Variants in EBPL observed in about 807,000 individuals in gnomAD.
The protein encoded by EBPL is emopamil-binding protein-like.
Under a neutral mutation model 19.0 loss-of-function variants are expected in EBPL, and 20 were observed. The ratio of observed to expected loss-of-function variants is 1.05; its 90% CI spans 0.74 to 1.53. The LOEUF (loss-of-function observed/expected upper bound fraction) is 1.53. Among genes scored for constraint, EBPL ranks in the 40% most tolerant of loss-of-function variants. The pLI, the probability that EBPL is intolerant of heterozygous loss-of-function variation, is 0.00. For missense variants in EBPL, 219 were observed against 261.1 expected, an observed-to-expected ratio of 0.84 and a Z score of 1.11; for synonymous variants, 107 against 117.0, an observed-to-expected ratio of 0.91 and a Z score of 0.55.
In EBPL at chr13:49,691,371, G is replaced by A. The variant is rs752807591; in HGVS notation, c.54C>T (p.Cys18=). The change falls in exon 1 of 4, where the codon TGC becomes TGT. Residue 18 remains cysteine, a synonymous_variant. Coordinates refer to ENST00000242827, the MANE Select transcript of EBPL (RefSeq NM_032565.5). Reference sequence around the variant, plus strand: ...CGCAGCCCGCCGCCAGCAGCGCGGCGCACAGCAGCAGCGAACCGCCAGCCT... The same window carrying A: ...CGCAGCCCGCCGCCAGCAGCGCGGCACACAGCAGCAGCGAACCGCCAGCCT... ...GAEAGGSLLL[C]AALLAAGCAL... is the part of the protein sequence containing the mutation. 4.4e-6 allele frequency: 6 copies of A among 1,368,014 alleles called. No individual in the cohort carries two copies. The highest frequency in any genetic ancestry group is 2.4e-4 in the Middle Eastern group (1 of 4,194). 84.7% of individuals were successfully genotyped at this position (1,368,014 alleles called of 1,614,324 possible).
At position 49,691,262 on chromosome 13, in the gene EBPL, A is replaced by G; in HGVS notation, c.163T>C (p.Phe55Leu). Residue 55 changes from phenylalanine to leucine, a missense_variant, in exon 1 of 4, where the codon TTC (phenylalanine) becomes CTC (leucine). Transcript: ENST00000242827. ...IWLCYDALVH[F>L]ALEGPFVYLS... ...TAGGCGATGGCACTTACCAGCGCGA[A>G]GTGCACCAGCGCGTCGTAGCAGAGC... The G allele has an allele frequency of 2.2e-6, 3 of 1,391,524 alleles. No homozygotes were observed. Among genetic ancestry groups the G allele is most frequent in the South Asian group, 1.9e-5 (1 of 52,850 alleles). 86.2% of individuals were successfully genotyped at this position (1,391,524 alleles called of 1,614,324 possible). A position where few individuals can be genotyped will look rare whatever the true frequency, so the allele number is the denominator to read the frequency against.
intron 1 of EBPL, among the ~76,000 whole-genome samples, chr13:49,680,628 C>T (rs1953931950): frequency 6.6e-6 from 1 of 152,152 alleles, no homozygotes; most frequent in Admixed American, 6.5e-5. Flanking sequence ...TCGAGACCAT[C>T]CTGGCCATCA....
At chr13:49,679,996 G>A (rs1041019216) in intron 1 of EBPL, among the ~76,000 whole-genome samples, 1 of 152,142 alleles carries the variant, frequency 6.6e-6, no homozygotes, top group South Asian at 2.1e-4. Flanking sequence ...TTCCAGCCTT[G>A]AGCACAGCAC....
Position 49,663,209 on chromosome 13 carries a change from C to G in EBPL, c.242-14G>C. On this transcript the variant is annotated splice_polypyrimidine_tract_variant and intron_variant, in intron 2 of 3. Coordinates refer to ENST00000242827, the MANE Select transcript of EBPL (RefSeq NM_032565.5). ...CATATTCTTTCCCTAAAGACAAAAT[C>G]CATGTTGTTACTCAAATGGCAACAA... 2 of 1,611,890 alleles carry G rather than the reference C, an allele frequency of 1.2e-6. No homozygotes were observed. Among genetic ancestry groups the G allele is most frequent in the South Asian group, 1.1e-5 (1 of 91,042 alleles).
At chr13:49,674,960 A>C (rs1052519913) in intron 1 of EBPL, among the ~76,000 whole-genome samples, 1 of 152,210 alleles carries the variant, frequency 6.6e-6, no homozygotes, top group Non-Finnish European at 1.5e-5. Flanking sequence ...GTGCCCACTA[A>C]ACACTGATTC....
At chr13:49,686,370 C>T (rs1222750864) in intron 1 of EBPL, 4 of 1,156,960 alleles carry the variant, frequency 3.5e-6, no homozygotes, top group Non-Finnish European at 4.4e-6. Flanking sequence ...CTTTCATCTA[C>T]TGCCCAGCTT....
chr13:49,666,698 T>G (rs1594405389), intron 2 of EBPL, among the ~76,000 whole-genome samples: 5 of 88,814 alleles, frequency 5.6e-5, no homozygotes, highest in Admixed American at 3.2e-4. Context: ...GGCGAAAGAG[T>G]GAGACTCCGT....
At chr13:49,662,016 CA>C in intron 3 of EBPL, 1 of 1,228,310 alleles carries the variant, frequency 8.1e-7, no homozygotes, top group Non-Finnish European at 1.2e-6. Flanking sequence ...TTTTTTGAGA[CA>C]GAGTCTCGCT....
At chr13:49,687,784 G>A (rs1248576946) in intron 1 of EBPL, among the ~76,000 whole-genome samples, 2 of 152,158 alleles carry the variant, frequency 1.3e-5, no homozygotes, top group African/African-American at 2.4e-5. Context: ...GTGGGGTTTG[G>A]GCCTTGGGGA....
At chr13:49,678,579 C>T (rs1323128778) in intron 1 of EBPL, among the ~76,000 whole-genome samples, 2 of 152,178 alleles carry the variant, frequency 1.3e-5, no homozygotes, top group Non-Finnish European at 2.9e-5. Context: ...TAACTGGGGC[C>T]GGCAGCACCC....
At chr13:49,664,266 G>A (rs755382910) in intron 2 of EBPL, among the ~76,000 whole-genome samples, 4 of 152,148 alleles carry the variant, frequency 2.6e-5, no homozygotes, top group East Asian at 1.9e-4. Flanking sequence ...ACAACAACAC[G>A]TTTATTAATA....
chr13:49,661,690 A>G, intron 3 of EBPL: 1 of 937,446 alleles, frequency 1.1e-6, no homozygotes, highest in Non-Finnish European at 1.3e-6. Flanking sequence ...TAATAAACAC[A>G]TGGGCACACG....
intron 2 of EBPL, among the ~76,000 whole-genome samples, chr13:49,669,561 C>T (rs1258287506): frequency 5.3e-5 from 8 of 152,028 alleles, no homozygotes; most frequent in African/African-American, 1.9e-4. Flanking sequence ...AAAAAGAAAT[C>T]CGTGCCCATT....
chr13:49,676,331 C>T (rs1169012852), intron 1 of EBPL, among the ~76,000 whole-genome samples: 13 of 152,232 alleles, frequency 8.5e-5, no homozygotes, highest in Admixed American at 8.5e-4. Flanking sequence ...GTGGCTCACG[C>T]CTGTAATCCC....
At chr13:49,686,094 G>A (rs1953994186) in intron 1 of EBPL, among the ~76,000 whole-genome samples, 1 of 152,208 alleles carries the variant, frequency 6.6e-6, no homozygotes, top group African/African-American at 2.4e-5. Flanking sequence ...TCACCCTGCA[G>A]GACAAGGCTA....
chr13:49,669,712 T>G (rs1374713945), intron 2 of EBPL, 65 bp downstream of exon 2: 36 of 1,409,804 alleles, frequency 2.6e-5, no homozygotes, highest in Non-Finnish European at 3.3e-5. Flanking sequence ...ATAGAGGCGT[T>G]TGACAGTCAC....
intron 1 of EBPL, among the ~76,000 whole-genome samples, chr13:49,680,309 T>C (rs138541913): frequency 6.6e-6 from 1 of 152,258 alleles, no homozygotes; most frequent in East Asian, 1.9e-4. Context: ...CCTGACTTTT[T>C]AGAGACAGAC....
intron 1 of EBPL, among the ~76,000 whole-genome samples, chr13:49,682,844 G>A (rs757997177): frequency 2.0e-5 from 3 of 152,098 alleles, no homozygotes; most frequent in Admixed American, 6.6e-5. Context: ...GCATTCAAGG[G>A]TGCATCTGCT....
chr13:49,680,870 T>A (rs988365088), intron 1 of EBPL, among the ~76,000 whole-genome samples: 3 of 151,878 alleles, frequency 2.0e-5, no homozygotes, highest in African/African-American at 7.3e-5. Flanking sequence ...ATGTGATACA[T>A]GTTAAAGTTA....
Sources: allele counts gnomAD v4.1 joint callset (sites outside exome capture counted in the v4.1 genomes callset), GRCh38; gene constraint gnomAD v4.1.1; transcripts MANE v1.5; gene names NCBI Gene and HGNC (gene_info 2026-07-23, HGNC 2026-07-21).